SNX13: variants seen among roughly 807,000 people sequenced by gnomAD.
The protein encoded by SNX13 is sorting nexin 13.
Under a neutral mutation model 133.6 loss-of-function variants are expected in SNX13, and 45 were observed. The ratio of observed to expected loss-of-function variants is 0.34; its 90% CI spans 0.27 to 0.43. The LOEUF (loss-of-function observed/expected upper bound fraction) is 0.43. SNX13 is among the 20% of genes least tolerant of loss of function. The pLI, the probability that SNX13 is intolerant of heterozygous loss-of-function variation, is 1.00. For missense variants in SNX13, 1,032 were observed against 1,145.1 expected (o/e 0.90, Z 1.43); for synonymous variants, 414 against 373.9 (o/e 1.11, Z -1.24).
chr7:17,876,481 G>A (rs1020702597), intron 5 of SNX13, among the ~76,000 whole-genome samples: 1 of 150,040 alleles, frequency 6.7e-6, no homozygotes, highest in Non-Finnish European at 1.5e-5. Flanking sequence ...TAGGGAAGCT[G>A]AAGTGGGAGG....
At chr7:17,843,267 T>C (rs1325844565) in intron 12 of SNX13, among the ~76,000 whole-genome samples, 6 of 151,912 alleles carry the variant, frequency 3.9e-5, no homozygotes, top group Non-Finnish European at 8.8e-5. Context: ...GTAACCAAAA[T>C]AGAGCAGGGG....
intron 22 of SNX13, among the ~76,000 whole-genome samples, chr7:17,799,788 A>T (rs1784423243): frequency 6.6e-6 from 1 of 151,806 alleles, no homozygotes; most frequent in African/African-American, 2.4e-5. Flanking sequence ...CACTAAGGTA[A>T]AAAGGAAGAC....
At chr7:17,860,037 C>T (rs577941119) in intron 9 of SNX13, among the ~76,000 whole-genome samples, 8 of 152,242 alleles carry the variant, frequency 5.3e-5, no homozygotes, top group East Asian at 3.9e-4. Flanking sequence ...TTAGATCATA[C>T]GGTAACAATT....
intron 1 of SNX13, among the ~76,000 whole-genome samples, chr7:17,905,467 C>G (rs973505941): frequency 1.3e-5 from 2 of 152,120 alleles, no homozygotes; most frequent in Non-Finnish European, 2.9e-5. Context: ...AAAGATAATG[C>G]CTTTAGAGCT....
chr7:17,897,903 T>C (rs976225035), intron 1 of SNX13: 6 of 149,948 alleles, frequency 4.0e-5, no homozygotes, highest in African/African-American at 1.2e-4. Flanking sequence ...TAAGGAGACA[T>C]TTTATTAGAA....
intron 5 of SNX13, among the ~76,000 whole-genome samples, chr7:17,887,793 T>C (rs1424946518): frequency 1.3e-5 from 2 of 150,996 alleles, no homozygotes; most frequent in Admixed American, 6.6e-5. Flanking sequence ...TCATGGGTTC[T>C]AAACATTTTC....
chr7:17,910,790 G>GACAC (rs1798885852), intron 1 of SNX13, among the ~76,000 whole-genome samples: 1 of 152,192 alleles, frequency 6.6e-6, no homozygotes, highest in South Asian at 2.1e-4. Context: ...AAAGAAGCCA[G>GACAC]ACACAAAGGC....
Position 17,816,173 on chromosome 7 carries a change from T to G in SNX13, c.1953+9A>C. On this transcript the variant is annotated intron_variant, in intron 19 of 25. Transcript: ENST00000428135. ...GAAAATCTGTGGATTATAGTAAACA[T>G]GAGCTTACCTGCAAATATGCATTTA... is the stretch of plus-strand genomic sequence containing the variant. The G allele has an allele frequency of 1.3e-6, 2 of 1,527,244 alleles. No homozygotes were observed. The highest frequency in any genetic ancestry group is 1.8e-6 in the Non-Finnish European group (2 of 1,135,766). The allele number at this position is 1,527,244 out of a possible 1,614,324, so 94.6% of individuals were successfully genotyped here. A position where few individuals can be genotyped will look rare whatever the true frequency, so the allele number is the denominator to read the frequency against.
intron 15 of SNX13, chr7:17,830,544 T>G: frequency 1.0e-6 from 1 of 983,962 alleles, no homozygotes; most frequent in South Asian, 4.7e-5. Context: ...GTAGATTATC[T>G]TGAAAACACT....
In SNX13 at chr7:17,842,299, G is replaced by A. The variant is rs142064481; in HGVS notation, c.1166-2299C>T. 4.9e-3 allele frequency among the ~76,000 whole-genome samples: 740 copies of A among 152,156 alleles called. 5 individuals carry two copies. Among genetic ancestry groups the A allele is most frequent in the African/African-American group, 0.017 (714 of 41,550 alleles). On this transcript the variant is annotated intron_variant, in intron 12 of 25. Coordinates refer to ENST00000428135, the MANE Select transcript of SNX13 (RefSeq NM_015132.5). ...CAAGAAACTTTGGAGGCTAGAAGGTGATGGAGTGATATTCAAAGTGCTAAA... is the reference window on the plus strand; with the variant it reads ...CAAGAAACTTTGGAGGCTAGAAGGTAATGGAGTGATATTCAAAGTGCTAAA...
chr7:17,891,705 G>C, intron 3 of SNX13, 70 bp from the exon 4 acceptor site: 1 of 1,038,182 alleles, frequency 9.6e-7, no homozygotes, highest in East Asian at 2.4e-5. Flanking sequence ...AATTCCAGTT[G>C]AATACTCAAT....
At chr7:17,919,254 A>C (rs1189757221) in intron 1 of SNX13, among the ~76,000 whole-genome samples, 1 of 152,212 alleles carries the variant, frequency 6.6e-6, no homozygotes, top group African/African-American at 2.4e-5. Flanking sequence ...AATTTGAAAA[A>C]CAAAAATAGT....
intron 20 of SNX13, among the ~76,000 whole-genome samples, chr7:17,808,151 A>G (rs1296821813): frequency 6.6e-6 from 1 of 152,214 alleles, no homozygotes; most frequent in Non-Finnish European, 1.5e-5. Flanking sequence ...GGGTAATAAC[A>G]AACTCCTCTG....
chr7:17,850,249 A>G, intron 11 of SNX13, 98 bp downstream of exon 11: 1 of 598,208 alleles, frequency 1.7e-6, no homozygotes, highest in Non-Finnish European at 2.6e-6. Flanking sequence ...AAAGTGCTGC[A>G]CTGGTAAACG....
intron 20 of SNX13, among the ~76,000 whole-genome samples, chr7:17,814,275 A>G (rs539421094): frequency 1.3e-5 from 2 of 152,320 alleles, no homozygotes; most frequent in East Asian, 3.9e-4. Flanking sequence ...GCTAGTAAAT[A>G]GTAGAGCAGG....
chr7:17,877,808 G>A (rs28476778), intron 5 of SNX13, among the ~76,000 whole-genome samples: 3,331 of 151,960 alleles, frequency 0.022, 134 homozygotes, highest in African/African-American at 0.075. Flanking sequence ...GGAAAAATAG[G>A]AAAAACAGTA....
At position 17,834,746 on chromosome 7, in the gene SNX13, T is replaced by G; in HGVS notation, c.1464+15A>C. ...TCAAAAAAGATAAAATGATAAATGCTGTACATAATAATACCTTTCTTTGAA... is the reference window on the plus strand; with the variant it reads ...TCAAAAAAGATAAAATGATAAATGCGGTACATAATAATACCTTTCTTTGAA... On this transcript the variant is annotated intron_variant, in intron 14 of 25. Coordinates refer to ENST00000428135, the MANE Select transcript of SNX13 (RefSeq NM_015132.5). The G allele has an allele frequency of 1.4e-6, 2 of 1,481,288 alleles. No homozygotes were observed. Among genetic ancestry groups the G allele is most frequent in the Non-Finnish European group, 9.4e-7 (1 of 1,068,524 alleles). 91.8% of individuals were successfully genotyped at this position (1,481,288 alleles called of 1,614,324 possible).
At chr7:17,877,373 T>C (rs1794847995) in intron 5 of SNX13, among the ~76,000 whole-genome samples, 1 of 152,072 alleles carries the variant, frequency 6.6e-6, no homozygotes. Context: ...GAAACTCTTT[T>C]TTCTTATTTA....
At chr7:17,865,882 T>C (rs960178623) in intron 9 of SNX13, among the ~76,000 whole-genome samples, 1 of 151,802 alleles carries the variant, frequency 6.6e-6, no homozygotes, top group Non-Finnish European at 1.5e-5. Context: ...AAAATACACA[T>C]TGGGGAAAAA....
Sources: gnomAD v4.1 joint callset for allele counts (sites outside exome capture counted in the v4.1 genomes callset) on GRCh38, gnomAD v4.1.1 for gene constraint, MANE v1.5 for transcripts, NCBI Gene and HGNC (gene_info 2026-07-23, HGNC 2026-07-21) for gene names.